CDH13: variants seen among roughly 807,000 people sequenced by gnomAD.
The protein encoded by CDH13 is cadherin-13.
In CDH13, 24 loss-of-function variants were observed where a neutral mutation model predicts 63.8. The ratio of observed to expected loss-of-function variants is 0.38; its 90% CI spans 0.27 to 0.53. The LOEUF (loss-of-function observed/expected upper bound fraction) is 0.53. Ranked by LOEUF, CDH13 falls within the 20% of genes least tolerant of loss-of-function variation. The probability of loss-of-function intolerance (pLI) is 0.85; values close to 1 mark genes in which losing one functional copy is unlikely to be tolerated. For synonymous variants in CDH13, 503 were observed against 355.3 expected (o/e 1.42, Z -4.67); for missense variants, 1,049 against 903.1 (o/e 1.16, Z -2.07).
chr16:83,359,860 C>T (rs1454414519), intron 6 of CDH13, among the ~76,000 whole-genome samples: 1 of 152,098 alleles, frequency 6.6e-6, no homozygotes, highest in Non-Finnish European at 1.5e-5. Context: ...TTAATATATT[C>T]ACAGAATTGT....
chr16:83,353,578 A>G (rs1321083448), intron 6 of CDH13, among the ~76,000 whole-genome samples: 1 of 152,216 alleles, frequency 6.6e-6, no homozygotes, highest in Non-Finnish European at 1.5e-5. Flanking sequence ...AACTGTGAAA[A>G]CAACTCTTTT....
chr16:82,666,754 G>C (rs749081809), intron 1 of CDH13, among the ~76,000 whole-genome samples: 6 of 152,114 alleles, frequency 3.9e-5, no homozygotes, highest in Non-Finnish European at 7.4e-5. Context: ...AATGTTAAAT[G>C]GTGTGCTCAA....
chr16:83,131,353 G>A (rs528706248), intron 4 of CDH13, among the ~76,000 whole-genome samples: 1 of 152,304 alleles, frequency 6.6e-6, no homozygotes, highest in South Asian at 2.1e-4. Context: ...ACCCAGTCGT[G>A]AACATACTTG....
chr16:83,253,079 G>C (rs970667045), intron 5 of CDH13, among the ~76,000 whole-genome samples: 3 of 152,182 alleles, frequency 2.0e-5, no homozygotes. Context: ...ATAAATAGTG[G>C]AGATTGTAAC....
intron 4 of CDH13, among the ~76,000 whole-genome samples, chr16:83,144,292 A>T (rs2036656150): frequency 6.6e-6 from 1 of 152,232 alleles, no homozygotes; most frequent in African/African-American, 2.4e-5. Context: ...TCTTCCAAAT[A>T]GTTGAAGTTA....
At chr16:83,761,587 G>A (rs959989103) in intron 11 of CDH13, among the ~76,000 whole-genome samples, 4 of 152,178 alleles carry the variant, frequency 2.6e-5, no homozygotes, top group African/African-American at 9.6e-5. Flanking sequence ...TTATTTGAAC[G>A]CTATTTGAAC....
chr16:82,773,298 C>G (rs1193640574), intron 1 of CDH13: 3 of 152,252 alleles, frequency 2.0e-5, no homozygotes, highest in Admixed American at 2.0e-4. Context: ...TGTGAAAGTT[C>G]TTCTTTCCTT....
intron 3 of CDH13, among the ~76,000 whole-genome samples, chr16:83,066,314 G>A (rs1001760049): frequency 6.6e-6 from 1 of 152,150 alleles, no homozygotes; most frequent in African/African-American, 2.4e-5. Context: ...TTTAAAACCA[G>A]GATAGTCTTG....
chr16:83,153,955 C>G (rs369025895), intron 4 of CDH13, among the ~76,000 whole-genome samples: 8 of 152,258 alleles, frequency 5.3e-5, no homozygotes, highest in African/African-American at 1.9e-4. Flanking sequence ...ACAAAAGAAG[C>G]TTGTTCACTC....
intron 6 of CDH13, among the ~76,000 whole-genome samples, chr16:83,457,198 G>C (rs763479810): frequency 6.6e-6 from 1 of 152,166 alleles, no homozygotes; most frequent in Non-Finnish European, 1.5e-5. Flanking sequence ...GGGGTAATAA[G>C]AGCACTGACA....
intron 13 of CDH13, among the ~76,000 whole-genome samples, chr16:83,792,823 A>G (rs1326529605): frequency 6.6e-6 from 1 of 152,236 alleles, no homozygotes; most frequent in East Asian, 1.9e-4. Flanking sequence ...ATTCTTTCTA[A>G]TAGGCTTTTG....
rs79967400 is a variant in CDH13, at chr16:83,293,023, G to A, written c.637-51839G>A. On this transcript the variant is annotated intron_variant, in intron 5 of 13. Coordinates refer to ENST00000567109, the MANE Select transcript of CDH13 (RefSeq NM_001257.5). The stretch of plus-strand genomic sequence containing the variant: ...TCTTTTGGACTAAAGTTACTAAACA[G>A]ATAGTTGAGTCAATTACATAACAGC... 3.3e-3 allele frequency among the ~76,000 whole-genome samples: 506 copies of A among 152,258 alleles called. 8 individuals are homozygous for A. The highest frequency in any genetic ancestry group is 0.011 in the African/African-American group (473 of 41,544).
chr16:83,658,002 C>A (rs1177377542), intron 8 of CDH13, among the ~76,000 whole-genome samples: 1 of 148,072 alleles, frequency 6.8e-6, no homozygotes, highest in Non-Finnish European at 1.5e-5. Flanking sequence ...TCCTCACCAG[C>A]AAGGTCCCAT....
At position 83,093,121 on chromosome 16, in the gene CDH13, A is replaced by G. The variant is rs547887058; in HGVS notation, c.367-32264A>G. Among the ~76,000 whole-genome samples, 183 of 152,212 alleles carry G rather than the reference A, an allele frequency of 1.2e-3. 1 individual carries two copies. The highest frequency in any genetic ancestry group is 9.9e-3 in the South Asian group (48 of 4,828). On this transcript the variant is annotated intron_variant, in intron 3 of 13. Coordinates refer to ENST00000567109, the MANE Select transcript of CDH13 (RefSeq NM_001257.5). ...TCAACCTCCATCTATAAAAGAAACCATTAGTCTTTGCCTATGTCTGCTAAA... is the reference window on the plus strand; with the variant it reads ...TCAACCTCCATCTATAAAAGAAACCGTTAGTCTTTGCCTATGTCTGCTAAA...
intron 1 of CDH13, among the ~76,000 whole-genome samples, chr16:82,723,304 G>C (rs186242706): frequency 8.5e-5 from 13 of 152,254 alleles, no homozygotes; most frequent in Non-Finnish European, 1.3e-4. Flanking sequence ...TTTGCTTCTT[G>C]TGGGCTTTTG....
intron 5 of CDH13, among the ~76,000 whole-genome samples, chr16:83,307,749 A>G (rs972399530): frequency 2.0e-5 from 3 of 152,198 alleles, no homozygotes; most frequent in African/African-American, 7.2e-5. Context: ...GACTAAATGA[A>G]GAAGAAATTT....
chr16:82,931,059 G>C (rs1014897397), intron 2 of CDH13, among the ~76,000 whole-genome samples: 2 of 152,166 alleles, frequency 1.3e-5, no homozygotes, highest in Admixed American at 1.3e-4. Context: ...AACAAAGTAG[G>C]CACCATATCT....
At chr16:83,572,255 T>A (rs1279295442) in intron 7 of CDH13, among the ~76,000 whole-genome samples, 1 of 150,976 alleles carries the variant, frequency 6.6e-6, no homozygotes, top group Admixed American at 6.6e-5. Flanking sequence ...GGCGTGATCT[T>A]AGCTCATTGC....
rs75132477 is a variant in CDH13 at position 83,687,783 on chromosome 16, T to C, written c.1538+9322T>C. On this transcript the variant is annotated intron_variant, in intron 10 of 13. Coordinates refer to ENST00000567109, the MANE Select transcript of CDH13 (RefSeq NM_001257.5). ...TCTCTCACAGAACTTTCCAAGTCCA[T>C]GAAAGTTACATTGAAGAGCCATTGC... 5.2e-3 allele frequency among the ~76,000 whole-genome samples: 793 copies of C among 152,336 alleles called. 9 individuals are homozygous for C. Among genetic ancestry groups the C allele is most frequent in the African/African-American group, 0.018 (757 of 41,580 alleles).
Sources: allele counts gnomAD v4.1 joint callset (sites outside exome capture counted in the v4.1 genomes callset), GRCh38; gene constraint gnomAD v4.1.1; transcripts MANE v1.5; gene names NCBI Gene and HGNC (gene_info 2026-07-23, HGNC 2026-07-21).